The following SORCS1 variants were observed in gnomAD, a reference collection of about 807,000 sequenced individuals.
The protein encoded by SORCS1 is VPS10 domain-containing receptor SorCS1.
Under a neutral mutation model 146.1 loss-of-function variants are expected in SORCS1, and 60 were observed. That is an observed-to-expected ratio of 0.41 (90% CI 0.33 to 0.51). SORCS1 has a LOEUF of 0.51. SORCS1 is among the 20% of genes least tolerant of loss of function. The pLI is 0.21. For synonymous variants in SORCS1, 637 were observed against 584.0 expected, an observed-to-expected ratio of 1.09 and a Z score of -1.31; for missense variants, 1,352 against 1,487.6, an observed-to-expected ratio of 0.91 and a Z score of 1.50.
chr10:107,176,589 C>T, the SORCS1 span, among the ~76,000 whole-genome samples: 8 of 152,230 alleles, frequency 5.3e-5, no homozygotes, highest in Middle Eastern at 3.4e-3. Flanking sequence ...ATCCTCCCAG[C>T]TTGGCCTCCC....
chr10:106,978,165 G>A (rs1956111555), intron 1 of SORCS1, among the ~76,000 whole-genome samples: 1 of 152,032 alleles, frequency 6.6e-6, no homozygotes, highest in Non-Finnish European at 1.5e-5. Context: ...GGCTAGTCGC[G>A]AACCCCTGAC....
At chr10:107,110,089 C>T (rs923143572) in intron 1 of SORCS1, among the ~76,000 whole-genome samples, 1 of 152,162 alleles carries the variant, frequency 6.6e-6, no homozygotes, top group Non-Finnish European at 1.5e-5. Context: ...CTTCACTGTC[C>T]ATATCACTAA....
chr10:107,101,053 C>T (rs1964888993), intron 1 of SORCS1, among the ~76,000 whole-genome samples: 1 of 152,006 alleles, frequency 6.6e-6, no homozygotes, highest in African/African-American at 2.4e-5. Context: ...CACCACCACA[C>T]TTAGCTATTT....
At chr10:106,700,533 T>C (rs1373497010) in intron 8 of SORCS1, among the ~76,000 whole-genome samples, 2 of 152,238 alleles carry the variant, frequency 1.3e-5, no homozygotes, top group African/African-American at 2.4e-5. Context: ...CTTAGTGCTC[T>C]AATCTTTCCA....
intron 1 of SORCS1, among the ~76,000 whole-genome samples, chr10:106,981,826 T>G (rs1000863942): frequency 1.3e-4 from 20 of 152,174 alleles, no homozygotes; most frequent in African/African-American, 4.6e-4. Flanking sequence ...CTGTCCCTCT[T>G]TCCTGTGAAT....
intron 2 of SORCS1, among the ~76,000 whole-genome samples, chr10:106,920,131 T>C (rs1278553518): frequency 6.6e-6 from 1 of 152,130 alleles, no homozygotes; most frequent in Non-Finnish European, 1.5e-5. Context: ...GTCACCACTT[T>C]ACACCAGAAC....
At chr10:106,678,655 G>A (rs1481312174) in intron 12 of SORCS1, among the ~76,000 whole-genome samples, 1 of 152,174 alleles carries the variant, frequency 6.6e-6, no homozygotes, top group Non-Finnish European at 1.5e-5. Flanking sequence ...TGTTTTGTAA[G>A]CTATGGGTAT....
chr10:107,148,928 A>C (rs1279909378), intron 1 of SORCS1, among the ~76,000 whole-genome samples: 3 of 152,182 alleles, frequency 2.0e-5, no homozygotes, highest in African/African-American at 7.2e-5. Context: ...AAAATAATGA[A>C]ATTCCTAAAC....
chr10:107,024,827 TA>T (rs974630989), intron 1 of SORCS1, among the ~76,000 whole-genome samples: 35 of 152,070 alleles, frequency 2.3e-4, no homozygotes, highest in Non-Finnish European at 3.4e-4. Context: ...CATGGTCCTT[TA>T]AAAAAAATGG....
intron 1 of SORCS1, among the ~76,000 whole-genome samples, chr10:107,111,533 TAAA>T (rs1281610204): frequency 6.6e-6 from 1 of 151,958 alleles, no homozygotes; most frequent in Admixed American, 6.6e-5. Context: ...ACCAAAAAGA[TAAA>T]AAGATTTTTA....
intron 1 of SORCS1, among the ~76,000 whole-genome samples, chr10:107,036,983 T>G (rs1342250485): frequency 1.3e-5 from 2 of 151,922 alleles, no homozygotes; most frequent in Non-Finnish European, 2.9e-5. Context: ...CGGTGGCTCA[T>G]GCCTGTAATC....
chr10:106,584,533 A>G (rs1443313748), intron 24 of SORCS1, among the ~76,000 whole-genome samples: 1 of 152,188 alleles, frequency 6.6e-6, no homozygotes, highest in Admixed American at 6.5e-5. Flanking sequence ...ATCTAATGAG[A>G]GACTTTCTAC....
chr10:106,998,160 T>C (rs1957076199), intron 1 of SORCS1, among the ~76,000 whole-genome samples: 1 of 152,240 alleles, frequency 6.6e-6, no homozygotes, highest in South Asian at 2.1e-4. Flanking sequence ...TTATATCCGC[T>C]GCTTTTACAT....
chr10:106,923,208 G>A (rs181990250), intron 2 of SORCS1, among the ~76,000 whole-genome samples: 27 of 152,206 alleles, frequency 1.8e-4, no homozygotes, highest in Middle Eastern at 3.4e-3. Flanking sequence ...CTTTCTTACC[G>A]TCTCCGTAGT....
intron 6 of SORCS1, among the ~76,000 whole-genome samples, chr10:106,728,013 A>T (rs182239768): frequency 6.6e-6 from 1 of 151,312 alleles, no homozygotes; most frequent in Admixed American, 6.6e-5. Context: ...GCTCTTTATC[A>T]TCAAAGCAAT....
chr10:106,861,481 T>C (rs1950014007), intron 2 of SORCS1, among the ~76,000 whole-genome samples: 1 of 152,074 alleles, frequency 6.6e-6, no homozygotes, highest in South Asian at 2.1e-4. Context: ...TCTCCTAGCT[T>C]TTCCATCAAA....
At chr10:106,838,794 G>A (rs1015714049) in intron 2 of SORCS1, among the ~76,000 whole-genome samples, 4 of 152,096 alleles carry the variant, frequency 2.6e-5, no homozygotes, top group African/African-American at 9.7e-5. Context: ...AACAGCATGT[G>A]CTCACTTCAT....
chr10:106,584,766 C>T (rs1845123695), intron 24 of SORCS1, among the ~76,000 whole-genome samples: 1 of 152,120 alleles, frequency 6.6e-6, no homozygotes. Flanking sequence ...ACAAGTGAAG[C>T]ATTGTTTCTG....
At chr10:107,153,588 A>G (rs1969021315) in intron 1 of SORCS1, among the ~76,000 whole-genome samples, 1 of 152,226 alleles carries the variant, frequency 6.6e-6, no homozygotes, top group African/African-American at 2.4e-5. Flanking sequence ...CTGCATACTC[A>G]GGAAACAGAC....
Sources: gnomAD v4.1 joint callset for allele counts (sites outside exome capture counted in the v4.1 genomes callset) on GRCh38, gnomAD v4.1.1 for gene constraint, MANE v1.5 for transcripts, NCBI Gene and HGNC (gene_info 2026-07-23, HGNC 2026-07-21) for gene names.